The following TNNI3K variants were observed in gnomAD, a reference collection of about 807,000 sequenced individuals.
TNNI3K encodes the protein TNNI3 interacting kinase, also known as serine/threonine-protein kinase TNNI3K.
A neutral mutation model predicts 114.5 loss-of-function variants in TNNI3K; 140 were observed. The observed-to-expected ratio is 1.22, with a 90% CI of 1.07 to 1.41. The LOEUF is 1.41. Ranked by LOEUF, TNNI3K falls within the 40% of genes most tolerant of loss-of-function variation. TNNI3K has a pLI of 0.00. For missense variants in TNNI3K, 1,125 were observed against 1,007.6 expected, an observed-to-expected ratio of 1.12 and a Z score of -1.58; for synonymous variants, 347 against 347.5, an observed-to-expected ratio of 1.00 and a Z score of 0.02.
chr1:74,540,086 T>C lies in TNNI3K; in HGVS notation c.2352-148T>C. 4 of 745,786 alleles carry C rather than the reference T, an allele frequency of 5.4e-6. No individual in the cohort carries two copies. The East Asian group carries it at 1.2e-4, about 22-fold the overall frequency. 46.2% of individuals were successfully genotyped at this position (745,786 alleles called of 1,614,324 possible). ...CTTAAACCAAATAATTCTGAACTCT[T>C]CCCCAACTAGTTACTGTTAAGATAA... On this transcript the variant is annotated intron_variant, in intron 23 of 24. Coordinates refer to ENST00000326637, the MANE Select transcript of TNNI3K (RefSeq NM_015978.3).
At chr1:74,469,578 C>CTT (rs3835392) in intron 21 of TNNI3K, 22 of 208,372 alleles carry the variant, frequency 1.1e-4, no homozygotes, top group Middle Eastern at 1.5e-3. Flanking sequence ...TTGTTTAAGG[C>CTT]TTTTTTTTTT....
At chr1:74,435,809 C>A (rs1002288090) in intron 17 of TNNI3K, among the ~76,000 whole-genome samples, 1 of 152,140 alleles carries the variant, frequency 6.6e-6, no homozygotes, top group East Asian at 1.9e-4. Context: ...TGATCTTCAG[C>A]TGATGGGTCT....
chr1:74,447,042 A>G (rs1285942102), intron 20 of TNNI3K, among the ~76,000 whole-genome samples: 1 of 143,852 alleles, frequency 7.0e-6, no homozygotes, highest in African/African-American at 2.6e-5. Context: ...TTGGTTCCAT[A>G]TGAACTTTAA....
intron 4 of TNNI3K, among the ~76,000 whole-genome samples, chr1:74,258,781 A>G (rs759739948): frequency 2.0e-5 from 3 of 152,202 alleles, no homozygotes; most frequent in Non-Finnish European, 4.4e-5. Context: ...CTGCCTGTTC[A>G]ACCCTAATGG....
intron 2 of TNNI3K, among the ~76,000 whole-genome samples, chr1:74,246,491 T>G (rs1024247849): frequency 6.6e-6 from 1 of 152,216 alleles, no homozygotes; most frequent in Non-Finnish European, 1.5e-5. Context: ...AGAATGTTGA[T>G]GGACAATGAT....
chr1:74,315,497 G>A (rs1274782162), intron 5 of TNNI3K, among the ~76,000 whole-genome samples: 1 of 151,740 alleles, frequency 6.6e-6, no homozygotes, highest in African/African-American at 2.4e-5. Context: ...ACTTGGTTTG[G>A]TAAATGCTGT....
chr1:74,410,264 A>AT (rs1664818564), intron 17 of TNNI3K, among the ~76,000 whole-genome samples: 1 of 152,204 alleles, frequency 6.6e-6, no homozygotes, highest in African/African-American at 2.4e-5. Flanking sequence ...TTAAAGTATT[A>AT]TTAATCCCTA....
chr1:74,453,705 GA>G (rs1557576410), intron 20 of TNNI3K, among the ~76,000 whole-genome samples: 1 of 152,120 alleles, frequency 6.6e-6, no homozygotes, highest in Non-Finnish European at 1.5e-5. Context: ...TAGGAAAACT[GA>G]AAAACCATCA....
At chr1:74,476,629 A>G (rs540951725) in intron 21 of TNNI3K, among the ~76,000 whole-genome samples, 3 of 152,246 alleles carry the variant, frequency 2.0e-5, no homozygotes, top group South Asian at 2.1e-4. Context: ...TAATGAAATC[A>G]TTGGTGATCT....
chr1:74,347,542 T>C (rs1443494777), intron 9 of TNNI3K, among the ~76,000 whole-genome samples: 2 of 152,186 alleles, frequency 1.3e-5, no homozygotes, highest in African/African-American at 4.8e-5. Flanking sequence ...GGTCAAATGG[T>C]ATTGCTAATT....
chr1:74,439,309 T>G, intron 19 of TNNI3K, 181 bp from the exon 20 acceptor site: 1 of 849,460 alleles, frequency 1.2e-6, no homozygotes, highest in Non-Finnish European at 1.6e-6. Flanking sequence ...GTAAACACAC[T>G]GTGTATGTAT....
chr1:74,508,252 A>C (rs1005330983), intron 23 of TNNI3K, among the ~76,000 whole-genome samples: 1 of 152,246 alleles, frequency 6.6e-6, no homozygotes, highest in African/African-American at 2.4e-5. Context: ...CCTTGTGCAC[A>C]TGTACCCTAG....
intron 5 of TNNI3K, among the ~76,000 whole-genome samples, chr1:74,283,035 A>G (rs1657109083): frequency 6.6e-6 from 1 of 152,212 alleles, no homozygotes; most frequent in African/African-American, 2.4e-5. Flanking sequence ...CATTAACTTT[A>G]TAGGTTTCCA....
chr1:74,537,784 A>C (rs1260686823), intron 23 of TNNI3K, among the ~76,000 whole-genome samples: 1 of 152,114 alleles, frequency 6.6e-6, no homozygotes, highest in Non-Finnish European at 1.5e-5. Context: ...TGGAAGAGGA[A>C]GAGGTTAGTG....
rs537986724 is a variant in TNNI3K, at chr1:74,289,048, T to A, written c.444+17340T>A. On this transcript the variant is annotated intron_variant, in intron 5 of 24. Coordinates refer to ENST00000326637, the MANE Select transcript of TNNI3K (RefSeq NM_015978.3). ...AAGGATTACATCTTCATCTTCCACA[T>A]AGTGTGGTTAAACAGAAAAAAAATA... Among the ~76,000 whole-genome samples, 399 of 127,386 alleles carry A rather than the reference T, an allele frequency of 3.1e-3. 2 individuals carry two copies. The highest frequency in any genetic ancestry group is 0.011 in the African/African-American group (371 of 33,912). 83.6% of individuals were successfully genotyped at this position (127,386 alleles called of 152,430 possible).
At chr1:74,309,750 A>G (rs910616389) in intron 5 of TNNI3K, among the ~76,000 whole-genome samples, 3 of 152,186 alleles carry the variant, frequency 2.0e-5, no homozygotes, top group Non-Finnish European at 2.9e-5. Context: ...ACTTGATAAA[A>G]TCAAACATCC....
At chr1:74,473,744 G>A (rs1668052823) in intron 21 of TNNI3K, among the ~76,000 whole-genome samples, 1 of 152,040 alleles carries the variant, frequency 6.6e-6, no homozygotes. Context: ...TGTTCGCTGT[G>A]TATTGGAAGG....
chr1:74,355,144 A>G (rs1661584044), intron 11 of TNNI3K, among the ~76,000 whole-genome samples: 1 of 152,196 alleles, frequency 6.6e-6, no homozygotes, highest in Non-Finnish European at 1.5e-5. Flanking sequence ...TTTAATTGTT[A>G]TTTTAACTTT....
At chr1:74,360,300 A>G (rs1040844000) in intron 11 of TNNI3K, among the ~76,000 whole-genome samples, 13 of 152,082 alleles carry the variant, frequency 8.5e-5, no homozygotes, top group African/African-American at 3.1e-4. Context: ...ACCCATAAGA[A>G]AAAGTCTCAG....
Sources: gnomAD v4.1 joint callset for allele counts (sites outside exome capture counted in the v4.1 genomes callset) on GRCh38, gnomAD v4.1.1 for gene constraint, MANE v1.5 for transcripts, NCBI Gene and HGNC (gene_info 2026-07-23, HGNC 2026-07-21) for gene names.